Variants in LIN7A observed in about 807,000 individuals in gnomAD.
LIN7A encodes protein lin-7 homolog A.
LIN7A carries 25 observed loss-of-function variants against 29.8 expected under a neutral mutation model. The ratio of observed to expected loss-of-function variants is 0.84; its 90% CI spans 0.61 to 1.17. The LOEUF is 1.17. Among genes scored for constraint, LIN7A ranks in the 50% most tolerant of loss-of-function variants. LIN7A has a pLI of 0.00. For missense variants in LIN7A, 239 were observed against 287.0 expected, an observed-to-expected ratio of 0.83 and a Z score of 1.21; for synonymous variants, 118 against 107.5, an observed-to-expected ratio of 1.10 and a Z score of -0.60.
intron 1 of LIN7A, chr12:80,937,406 A>G: frequency 2.6e-6 from 1 of 383,938 alleles, no homozygotes; most frequent in Non-Finnish European, 4.6e-6. Flanking sequence ...CCCCAGAGCC[A>G]GAAGGAGGCG....
intron 1 of LIN7A, 125 bp from the exon 2 acceptor site, chr12:80,889,494 C>T: frequency 1.6e-6 from 1 of 631,200 alleles, no homozygotes; most frequent in Non-Finnish European, 2.8e-6. Flanking sequence ...ATAATCAGAA[C>T]TTATATTCAT....
At chr12:80,866,632 A>G (rs1164092611) in intron 2 of LIN7A, among the ~76,000 whole-genome samples, 6 of 152,158 alleles carry the variant, frequency 3.9e-5, no homozygotes, top group African/African-American at 1.2e-4. Flanking sequence ...TCAAATTGCA[A>G]TGGGCTGAGA....
At position 80,793,986 on chromosome 12, in the gene LIN7A, C is replaced by T. The variant is rs567457710; in HGVS notation, c.*3741G>A. On this transcript the variant is annotated 3_prime_UTR_variant, in exon 6 of 6. Coordinates refer to ENST00000552864, the MANE Select transcript of LIN7A (RefSeq NM_004664.4). ...ATCCCCAAACATTGTTCCTTATCCA[C>T]TGTTCAAATGTCCTCAAATCTTTGA... 1.3e-5 allele frequency: 2 copies of T among 152,282 alleles called. No individual in the cohort carries two copies. The highest frequency in any genetic ancestry group is 3.9e-4 in the East Asian group (2 of 5,184). The allele number at this position is 152,282 out of a possible 1,614,324, so 9.4% of individuals were successfully genotyped here.
chr12:80,935,882 C>G, intron 1 of LIN7A: 1 of 422,534 alleles, frequency 2.4e-6, no homozygotes, highest in South Asian at 1.7e-5. Flanking sequence ...CTCTCATCAA[C>G]CGACTGAGGC....
At chr12:80,935,387 AATT>A (rs1878152581) in intron 1 of LIN7A, among the ~76,000 whole-genome samples, 1 of 152,128 alleles carries the variant, frequency 6.6e-6, no homozygotes, top group Non-Finnish European at 1.5e-5. Flanking sequence ...TAATTAATTG[AATT>A]ATAGACTGCT....
intron 2 of LIN7A, among the ~76,000 whole-genome samples, chr12:80,856,177 G>C (rs756377348): frequency 4.6e-5 from 7 of 152,124 alleles, no homozygotes; most frequent in Non-Finnish European, 1.0e-4. Flanking sequence ...GATCATCAAG[G>C]CTCAAATCGA....
chr12:80,807,077 T>TTTTTTTTGTTTTTG lies in LIN7A; in HGVS notation c.*4387_*4388insCAAAAACAAAAAAA, dbSNP rs1565883827. Reference sequence around the variant, plus strand: ...ATGAAGATGGAGTTTTTTTTTTTTTTTTTTTTTTTTTTTTGACGGAGTCTC... The same window carrying TTTTTTTTGTTTTTG: ...ATGAAGATGGAGTTTTTTTTTTTTTTTTTTTTTGTTTTTGTTTTTTTTTTTTTTGACGGAGTCTC... On this transcript the variant is annotated intron_variant, in intron 5 of 5. Transcript: ENST00000552864. 3.9e-4 allele frequency among the ~76,000 whole-genome samples: 45 copies of TTTTTTTTGTTTTTG among 115,558 alleles called. 7 individuals carry two copies. The highest frequency in any genetic ancestry group is 1.3e-3 in the East Asian group (5 of 3,782). 75.8% of individuals were successfully genotyped at this position (115,558 alleles called of 152,430 possible). A position where few individuals can be genotyped will look rare whatever the true frequency, so the allele number is the denominator to read the frequency against.
chr12:80,909,257 C>T (rs773296675), intron 1 of LIN7A, among the ~76,000 whole-genome samples: 13 of 152,246 alleles, frequency 8.5e-5, no homozygotes, highest in Non-Finnish European at 1.5e-5. Flanking sequence ...TATAGTTGTT[C>T]AGTATCAATT....
intron 2 of LIN7A, among the ~76,000 whole-genome samples, chr12:80,865,862 C>T (rs532228163): frequency 1.3e-5 from 2 of 152,264 alleles, no homozygotes; most frequent in African/African-American, 4.8e-5. Flanking sequence ...TACCAGGATT[C>T]ACAATAAGCT....
intron 1 of LIN7A, among the ~76,000 whole-genome samples, chr12:80,907,835 G>T (rs1171239212): frequency 6.6e-6 from 1 of 151,862 alleles, no homozygotes; most frequent in Non-Finnish European, 1.5e-5. Flanking sequence ...AATATAAGAA[G>T]GTAAAAGAAA....
chr12:80,919,895 C>T (rs1044653519), intron 1 of LIN7A, among the ~76,000 whole-genome samples: 7 of 151,984 alleles, frequency 4.6e-5, no homozygotes, highest in South Asian at 2.1e-4. Context: ...GTCTCCACCA[C>T]CAAGCTCATT....
At chr12:80,916,293 A>G (rs1372884837) in intron 1 of LIN7A, among the ~76,000 whole-genome samples, 1 of 152,150 alleles carries the variant, frequency 6.6e-6, no homozygotes, top group Non-Finnish European at 1.5e-5. Context: ...TTTTAGAGTA[A>G]AAGCCAAAGT....
intron 1 of LIN7A, among the ~76,000 whole-genome samples, chr12:80,910,146 T>C (rs1203156064): frequency 1.3e-5 from 2 of 152,198 alleles, no homozygotes; most frequent in Non-Finnish European, 2.9e-5. Flanking sequence ...TTTGATGATA[T>C]TGTAAATATT....
intron 1 of LIN7A, among the ~76,000 whole-genome samples, chr12:80,933,484 G>C (rs1183637632): frequency 6.6e-6 from 1 of 151,984 alleles, no homozygotes; most frequent in Non-Finnish European, 1.5e-5. Context: ...AGCCTTCCTC[G>C]ACCAATGCTA....
At chr12:80,831,596 T>C (rs1872352968) in intron 4 of LIN7A, among the ~76,000 whole-genome samples, 1 of 152,168 alleles carries the variant, frequency 6.6e-6, no homozygotes, top group South Asian at 2.1e-4. Context: ...TGCCAATATA[T>C]GCAAAATTAT....
At chr12:80,922,381 C>G (rs576760103) in intron 1 of LIN7A, among the ~76,000 whole-genome samples, 1 of 152,202 alleles carries the variant, frequency 6.6e-6, no homozygotes. Flanking sequence ...CCTTTCTCTC[C>G]TTTCACTAGG....
intron 1 of LIN7A, among the ~76,000 whole-genome samples, chr12:80,903,573 C>T (rs1876330696): frequency 6.6e-6 from 1 of 151,946 alleles, no homozygotes; most frequent in Non-Finnish European, 1.5e-5. Context: ...TGTATATATA[C>T]CCCATTATCT....
intron 2 of LIN7A, among the ~76,000 whole-genome samples, chr12:80,868,418 A>G (rs1350292479): frequency 6.6e-6 from 1 of 152,100 alleles, no homozygotes; most frequent in African/African-American, 2.4e-5. Context: ...AAAATATAAA[A>G]TTTGCTAGGT....
intron 2 of LIN7A, among the ~76,000 whole-genome samples, chr12:80,877,410 G>A (rs1874767166): frequency 6.6e-6 from 1 of 152,112 alleles, no homozygotes; most frequent in Non-Finnish European, 1.5e-5. Context: ...TATAGTAAGT[G>A]AAAGAGAACA....
Sources: gnomAD v4.1 joint callset for allele counts (sites outside exome capture counted in the v4.1 genomes callset) on GRCh38, gnomAD v4.1.1 for gene constraint, MANE v1.5 for transcripts, NCBI Gene and HGNC (gene_info 2026-07-23, HGNC 2026-07-21) for gene names.